SPECC1: variants seen among roughly 807,000 people sequenced by gnomAD.
SPECC1 encodes sperm antigen with calponin homology and coiled-coil domains 1.
A neutral mutation model predicts 104.1 loss-of-function variants in SPECC1; 62 were observed. The ratio of observed to expected loss-of-function variants is 0.60; its 90% CI spans 0.49 to 0.74. The LOEUF is 0.74. SPECC1 is among the 30% of genes least tolerant of loss of function. The probability of loss-of-function intolerance (pLI) is 0.00; values close to 1 mark genes in which losing one functional copy is unlikely to be tolerated. For missense variants in SPECC1, 1,306 were observed against 1,310.5 expected (o/e 1.00, Z 0.05); for synonymous variants, 513 against 501.6 (o/e 1.02, Z -0.30).
intron 12 of SPECC1, among the ~76,000 whole-genome samples, chr17:20,268,456 G>A (rs2040288803): frequency 6.6e-6 from 1 of 152,182 alleles, no homozygotes; most frequent in South Asian, 2.1e-4. Flanking sequence ...AAAATATCAG[G>A]TCACTTGGGG....
intron 1 of SPECC1, among the ~76,000 whole-genome samples, chr17:20,078,282 A>G (rs1289279609): frequency 1.3e-5 from 2 of 151,752 alleles, no homozygotes; most frequent in Non-Finnish European, 2.9e-5. Context: ...AGAGAAATAC[A>G]TGCAGCACAC....
rs1054755576 is a variant in SPECC1, at chr17:20,318,835, T to C, written c.*4770T>C. 9.8e-6 allele frequency: 2 copies of C among 204,608 alleles called. No individual in the cohort carries two copies. The highest frequency in any genetic ancestry group is 2.0e-5 in the Non-Finnish European group (2 of 100,060). 12.7% of individuals were successfully genotyped at this position (204,608 alleles called of 1,614,324 possible). A position where few individuals can be genotyped will look rare whatever the true frequency, so the allele number is the denominator to read the frequency against. On this transcript the variant is annotated 3_prime_UTR_variant, in exon 15 of 15. Transcript: ENST00000395527. ...TGAATAGCACACTAATTTTTTTTTTTAGCACACTAACTTTAACTACATTAG... is the reference window on the plus strand; with the variant it reads ...TGAATAGCACACTAATTTTTTTTTTCAGCACACTAACTTTAACTACATTAG...
At position 20,130,661 on chromosome 17, in the gene SPECC1, T is replaced by C. The variant is rs540168406; in HGVS notation, c.283+20099T>C. Among the ~76,000 whole-genome samples the C allele has an allele frequency of 2.6e-5, 4 of 152,354 alleles. No individual in the cohort carries two copies. In the South Asian group the frequency reaches 8.3e-4, roughly 32 times the overall value. ...TGATTATGGTAGCTTTGTAATGTCTTGAAATCAAGTAGACTGATTCTTCCT... is the reference window on the plus strand; with the variant it reads ...TGATTATGGTAGCTTTGTAATGTCTCGAAATCAAGTAGACTGATTCTTCCT... On this transcript the variant is annotated intron_variant, in intron 3 of 14. Coordinates refer to ENST00000395527, the MANE Select transcript of SPECC1 (RefSeq NM_001243439.2).
At position 20,222,383 on chromosome 17, in the gene SPECC1, C is replaced by G. The variant is rs573945271; in HGVS notation, c.1864-5030C>G. 1.6e-4 allele frequency among the ~76,000 whole-genome samples: 25 copies of G among 152,082 alleles called. 1 individual carries two copies. The highest frequency in any genetic ancestry group is 1.3e-3 in the Admixed American group (20 of 15,264). On this transcript the variant is annotated intron_variant, in intron 4 of 14. Coordinates refer to ENST00000395527, the MANE Select transcript of SPECC1 (RefSeq NM_001243439.2). Reference sequence around the variant, plus strand: ...TTTTGTGGCCTAACATGTGGTCTCTCCTTGAGAAGAATCATGTGCTGAGGA... The same window carrying G: ...TTTTGTGGCCTAACATGTGGTCTCTGCTTGAGAAGAATCATGTGCTGAGGA...
intron 2 of SPECC1, among the ~76,000 whole-genome samples, chr17:20,097,343 C>G (rs1032000953): frequency 3.9e-5 from 6 of 152,222 alleles, no homozygotes; most frequent in African/African-American, 1.4e-4. Flanking sequence ...TCTCACCGTG[C>G]AAAGCCTAGT....
chr17:20,112,401 C>G (rs1377748209), intron 3 of SPECC1: 1 of 761,820 alleles, frequency 1.3e-6, no homozygotes, highest in Non-Finnish European at 2.5e-6. Flanking sequence ...TCTAAACCAC[C>G]GGAGGATCAT....
intron 3 of SPECC1, among the ~76,000 whole-genome samples, chr17:20,160,591 T>TA (rs2033048887): frequency 6.6e-6 from 1 of 152,222 alleles, no homozygotes; most frequent in African/African-American, 2.4e-5. Flanking sequence ...AATTAAGACT[T>TA]ACATAGTAAA....
At chr17:20,212,204 T>C (rs2037196712) in intron 4 of SPECC1, among the ~76,000 whole-genome samples, 1 of 152,184 alleles carries the variant, frequency 6.6e-6, no homozygotes. Context: ...AATTCAACTT[T>C]AGGCCAATAA....
At chr17:20,160,713 A>T (rs1024945087) in intron 3 of SPECC1, among the ~76,000 whole-genome samples, 6 of 152,098 alleles carry the variant, frequency 3.9e-5, no homozygotes, top group Non-Finnish European at 1.5e-5. Context: ...TTATTTTTTG[A>T]TGCATTTCAA....
chr17:20,261,550 G>A (rs564047520), intron 12 of SPECC1, among the ~76,000 whole-genome samples: 2 of 149,554 alleles, frequency 1.3e-5, no homozygotes, highest in South Asian at 4.3e-4. Flanking sequence ...GAGCAGTGAT[G>A]CCTCCACCCA....
intron 3 of SPECC1, among the ~76,000 whole-genome samples, chr17:20,124,612 G>A (rs1009370315): frequency 3.3e-5 from 5 of 152,070 alleles, no homozygotes; most frequent in African/African-American, 9.7e-5. Context: ...TTTCAGATTC[G>A]GTATAGATGC....
intron 14 of SPECC1, among the ~76,000 whole-genome samples, chr17:20,313,003 A>G (rs764605127): frequency 2.6e-5 from 4 of 152,094 alleles, no homozygotes; most frequent in Non-Finnish European, 4.4e-5. Flanking sequence ...CTTTCCTACT[A>G]TTCTCTTTTA....
At chr17:20,066,908 C>CA (rs1454809120) in intron 1 of SPECC1, among the ~76,000 whole-genome samples, 34 of 125,916 alleles carry the variant, frequency 2.7e-4, no homozygotes, top group African/African-American at 8.7e-4. Flanking sequence ...CCTGGCTAAT[C>CA]AAATTTTTTT....
intron 3 of SPECC1, among the ~76,000 whole-genome samples, chr17:20,167,938 T>A (rs1197586639): frequency 6.6e-6 from 1 of 152,158 alleles, no homozygotes; most frequent in East Asian, 1.9e-4. Context: ...AGGATCAGGT[T>A]AAGTCAAAGA....
chr17:20,265,742 T>C (rs2040195312), intron 12 of SPECC1, among the ~76,000 whole-genome samples: 1 of 152,246 alleles, frequency 6.6e-6, no homozygotes, highest in African/African-American at 2.4e-5. Flanking sequence ...TATTTAAATC[T>C]GTAATCCATT....
chr17:20,039,334 T>C (rs2045227288), intron 1 of SPECC1, among the ~76,000 whole-genome samples: 1 of 152,198 alleles, frequency 6.6e-6, no homozygotes. Context: ...GTTCTATCAG[T>C]TGTTAAGAGA....
At chr17:20,271,748 C>CT (rs912552985) in intron 12 of SPECC1, among the ~76,000 whole-genome samples, 10 of 151,610 alleles carry the variant, frequency 6.6e-5, no homozygotes, top group Middle Eastern at 3.4e-3. Context: ...ACATCCTATT[C>CT]TTTTTTTTCC....
intron 12 of SPECC1, among the ~76,000 whole-genome samples, chr17:20,288,414 T>A (rs2151699274): frequency 6.6e-6 from 1 of 152,034 alleles, no homozygotes; most frequent in Middle Eastern, 3.4e-3. Context: ...CATTAAAAAG[T>A]GGGCAAAGGA....
At chr17:20,012,849 A>G (rs200258469) in intron 1 of SPECC1, among the ~76,000 whole-genome samples, 1 of 152,202 alleles carries the variant, frequency 6.6e-6, no homozygotes, top group East Asian at 1.9e-4. Context: ...GAAGCTCTGT[A>G]TCCATTACCG....
Sources: gnomAD v4.1 joint callset for allele counts (sites outside exome capture counted in the v4.1 genomes callset) on GRCh38, gnomAD v4.1.1 for gene constraint, MANE v1.5 for transcripts, NCBI Gene and HGNC (gene_info 2026-07-23, HGNC 2026-07-21) for gene names.